SCIMP: variants seen among roughly 807,000 people sequenced by gnomAD.
SCIMP encodes the protein SLP adapter and CSK-interacting membrane protein.
Under a neutral mutation model 22.0 loss-of-function variants are expected in SCIMP, and 18 were observed. The observed-to-expected ratio is 0.82, with a 90% CI of 0.56 to 1.21. The LOEUF is 1.21. Ranked by LOEUF, SCIMP falls within the 50% of genes most tolerant of loss-of-function variation. The pLI is 0.00. For synonymous variants in SCIMP, 53 were observed against 62.2 expected, an observed-to-expected ratio of 0.85 and a Z score of 0.70; for missense variants, 155 against 171.2, an observed-to-expected ratio of 0.91 and a Z score of 0.53.
chr17:5,212,734 G>A (rs766714005), intron 4 of SCIMP, among the ~76,000 whole-genome samples: 12 of 152,184 alleles, frequency 7.9e-5, no homozygotes, highest in African/African-American at 2.7e-4. Flanking sequence ...GAAACACAGC[G>A]CATGCTCAAT....
In SCIMP at chr17:5,232,857, G is replaced by A. The variant is rs369599627; in HGVS notation, c.21+1878C>T. 3.3e-5 allele frequency among the ~76,000 whole-genome samples: 5 copies of A among 152,004 alleles called. No individual in the cohort carries two copies. In the East Asian group the frequency reaches 5.8e-4, roughly 18 times the overall value. On this transcript the variant is annotated intron_variant, in intron 1 of 4. Coordinates refer to ENST00000574081, the MANE Select transcript of SCIMP (RefSeq NM_207103.3). ...CCTGAGTAGCTGGGATTACCGACAC[G>A]CACCACCATACCCGGCTAATTTTTG... is the stretch of plus-strand genomic sequence containing the variant.
At chr17:5,223,297 T>C (rs2074621971) in intron 2 of SCIMP, 36 bp downstream of exon 2, 3 of 1,611,466 alleles carry the variant, frequency 1.9e-6, no homozygotes, top group Non-Finnish European at 2.5e-6. Flanking sequence ...ACCACCTGGC[T>C]CCTCCCTCCA....
intron 1 of SCIMP, among the ~76,000 whole-genome samples, chr17:5,227,021 G>A (rs2074654459): frequency 6.6e-6 from 1 of 152,048 alleles, no homozygotes; most frequent in African/African-American, 2.4e-5. Context: ...GCATGACCGA[G>A]TTCAGGCCCT....
chr17:5,210,566 C>CTGA lies in SCIMP; in HGVS notation c.*232_*234dup. On this transcript the variant is annotated 3_prime_UTR_variant, in exon 5 of 5. Coordinates refer to ENST00000574081, the MANE Select transcript of SCIMP (RefSeq NM_207103.3). Reference sequence around the variant, plus strand: ...GGAAAGTTTCCTCAACAGCACAAGGCTGACCCCTCTAAGTCCTCAGAGCCG... The same window carrying CTGA: ...GGAAAGTTTCCTCAACAGCACAAGGCTGATGACCCCTCTAAGTCCTCAGAGCCG... 2.1e-6 allele frequency: 1 copy of CTGA among 482,826 alleles called. No individual in the cohort carries two copies. The highest frequency in any genetic ancestry group is 3.6e-6 in the Non-Finnish European group (1 of 281,186). 29.9% of individuals were successfully genotyped at this position (482,826 alleles called of 1,614,324 possible). A position where few individuals can be genotyped will look rare whatever the true frequency, so the allele number is the denominator to read the frequency against.
In SCIMP at chr17:5,209,013, C is replaced by A. The variant is rs1033569215; in HGVS notation, c.*1788G>T. ...AGCATGTGTTTGAAACACTCCAATC[C>A]TTTGGCTTATTTTTGTTCTATAATT... On this transcript the variant is annotated 3_prime_UTR_variant, in exon 5 of 5. Coordinates refer to ENST00000574081, the MANE Select transcript of SCIMP (RefSeq NM_207103.3). 6.6e-6 allele frequency: 1 copy of A among 152,168 alleles called. No homozygotes were observed. The highest frequency in any genetic ancestry group is 1.5e-5 in the Non-Finnish European group (1 of 68,048). The allele number at this position is 152,168 out of a possible 1,614,324, so 9.4% of individuals were successfully genotyped here. A position where few individuals can be genotyped will look rare whatever the true frequency, so the allele number is the denominator to read the frequency against.
At chr17:5,219,868 C>T (rs1294861820) in intron 3 of SCIMP, among the ~76,000 whole-genome samples, 4 of 152,178 alleles carry the variant, frequency 2.6e-5, no homozygotes, top group East Asian at 3.9e-4. Flanking sequence ...AGCAGTGCTT[C>T]GCGTCTGTTG....
intron 2 of SCIMP, among the ~76,000 whole-genome samples, chr17:5,222,599 AG>A (rs1201863029): frequency 6.6e-6 from 1 of 152,168 alleles, no homozygotes; most frequent in Non-Finnish European, 1.5e-5. Flanking sequence ...GTCTCAGAGA[AG>A]GCAATCATGG....
chr17:5,218,004 G>A (rs1233496676), intron 3 of SCIMP, among the ~76,000 whole-genome samples: 5 of 151,906 alleles, frequency 3.3e-5, no homozygotes, highest in African/African-American at 1.2e-4. Context: ...TTCCACAATG[G>A]TTGAACTAGT....
intron 3 of SCIMP, among the ~76,000 whole-genome samples, chr17:5,219,443 C>G (rs893856434): frequency 6.6e-6 from 1 of 152,038 alleles, no homozygotes; most frequent in African/African-American, 2.4e-5. Context: ...CCATGGCCAA[C>G]ATGGTGAAAC....
intron 3 of SCIMP, among the ~76,000 whole-genome samples, chr17:5,217,982 C>A (rs1374395990): frequency 6.6e-6 from 1 of 151,988 alleles, no homozygotes; most frequent in Non-Finnish European, 1.5e-5. Context: ...CCTGAGGAAT[C>A]GCCACACTGA....
chr17:5,233,293 C>T (rs1452941466), intron 1 of SCIMP, among the ~76,000 whole-genome samples: 2 of 152,134 alleles, frequency 1.3e-5, no homozygotes, highest in Non-Finnish European at 2.9e-5. Context: ...TTTTCGCTGG[C>T]CCCTAGCCCC....
In SCIMP at chr17:5,221,328, CT is replaced by C. The variant is rs1160233413; in HGVS notation, c.167del (p.Lys56SerfsTer3). On this transcript the variant is annotated frameshift_variant, in exon 3 of 5. Coordinates refer to ENST00000574081, the MANE Select transcript of SCIMP (RefSeq NM_207103.3). LOFTEE classifies it high-confidence loss of function. Reference sequence around the variant, plus strand: ...CATCTACTTGCTTGTGTTTCAGGGGCTTGGCAATTTCCCATTTCTTGCCTAA... The same window carrying C: ...CATCTACTTGCTTGTGTTTCAGGGGCTGGCAATTTCCCATTTCTTGCCTAA... The part of the protein sequence containing the change: ...LRRGKKWEIA[K>X]PLKHKQVDEE... 1.2e-6 allele frequency: 2 copies of C among 1,613,408 alleles called. No individual in the cohort carries two copies. Among genetic ancestry groups the C allele is most frequent in the African/African-American group, 2.7e-5 (2 of 74,902 alleles).
rs185123688 is a variant in SCIMP at position 5,232,082 on chromosome 17, C to T, written c.21+2653G>A. On this transcript the variant is annotated intron_variant, in intron 1 of 4. Coordinates refer to ENST00000574081, the MANE Select transcript of SCIMP (RefSeq NM_207103.3). ...AAAACAAAAAAAAAAAACTGGTCAC[C>T]TCAGTGATTGGCTTACTGTGCGATG... is the stretch of plus-strand genomic sequence containing the variant. 2.0e-4 allele frequency among the ~76,000 whole-genome samples: 31 copies of T among 152,200 alleles called. No individual in the cohort carries two copies. In the East Asian group the frequency reaches 6.0e-3, roughly 29 times the overall value.
At chr17:5,217,285 G>T (rs568460663) in intron 3 of SCIMP, among the ~76,000 whole-genome samples, 4 of 152,084 alleles carry the variant, frequency 2.6e-5, no homozygotes, top group Non-Finnish European at 5.9e-5. Context: ...CCTGTGAACT[G>T]GTTAGGAAAG....
At chr17:5,212,416 C>T (rs191329353) in intron 4 of SCIMP, among the ~76,000 whole-genome samples, 172 of 152,136 alleles carry the variant, frequency 1.1e-3, no homozygotes, top group Non-Finnish European at 1.2e-3. Flanking sequence ...GGGTGGATCA[C>T]GAGGTCAGGA....
chr17:5,210,644 A>T lies in SCIMP; in HGVS notation c.*157T>A. On this transcript the variant is annotated 3_prime_UTR_variant, in exon 5 of 5. Transcript: ENST00000574081. ...GTCATCCGATCGCAGGGGTGTCTTC[A>T]TCTAAGGTTTGGGAAGTGCTTTATC... 2 of 948,814 alleles carry T rather than the reference A, an allele frequency of 2.1e-6. No individual in the cohort carries two copies. Among genetic ancestry groups the T allele is most frequent in the Non-Finnish European group, 3.0e-6 (2 of 659,656 alleles). The allele number at this position is 948,814 out of a possible 1,614,324, so 58.8% of individuals were successfully genotyped here. A position where few individuals can be genotyped will look rare whatever the true frequency, so the allele number is the denominator to read the frequency against.
chr17:5,231,804 C>T (rs2074696919), intron 1 of SCIMP, among the ~76,000 whole-genome samples: 2 of 152,226 alleles, frequency 1.3e-5, no homozygotes, highest in South Asian at 4.1e-4. Context: ...CCTGTAATCC[C>T]AGCACTTTGG....
chr17:5,213,231 A>T (rs1389788158), intron 4 of SCIMP: 1 of 978,848 alleles, frequency 1.0e-6, no homozygotes, highest in Non-Finnish European at 1.2e-6. Flanking sequence ...GTCGGTACTT[A>T]TGCTGCCCCC....
At chr17:5,222,987 A>G (rs1044839889) in intron 2 of SCIMP, among the ~76,000 whole-genome samples, 1 of 152,146 alleles carries the variant, frequency 6.6e-6, no homozygotes, top group Admixed American at 6.6e-5. Flanking sequence ...AATATTCCAT[A>G]TACTTGTGTT....
Sources: gnomAD v4.1 joint callset for allele counts (sites outside exome capture counted in the v4.1 genomes callset) on GRCh38, gnomAD v4.1.1 for gene constraint, MANE v1.5 for transcripts, NCBI Gene and HGNC (gene_info 2026-07-23, HGNC 2026-07-21) for gene names.